CTNNA2: variants seen among roughly 807,000 people sequenced by gnomAD.
CTNNA2 encodes the protein catenin alpha-2.
Under a neutral mutation model 101.0 loss-of-function variants are expected in CTNNA2, and 42 were observed. That is an observed-to-expected ratio of 0.42 (90% confidence interval 0.32 to 0.54). The LOEUF (loss-of-function observed/expected upper bound fraction) is 0.54, where lower values mean the gene tolerates loss of function less well. Among genes scored for constraint, CTNNA2 ranks in the 20% least tolerant of loss-of-function variants. CTNNA2 has a pLI of 0.14. For synonymous variants in CTNNA2, 450 were observed against 456.4 expected (o/e 0.99, Z 0.18); for missense variants, 871 against 1,223.1 (o/e 0.71, Z 4.29).
intron 2 of CTNNA2, among the ~76,000 whole-genome samples, chr2:79,658,047 C>G (rs62140116): frequency 1.3e-5 from 2 of 151,630 alleles, no homozygotes; most frequent in African/African-American, 4.8e-5. Flanking sequence ...AATTTTGTAT[C>G]TATTCAAAGG....
At chr2:80,111,878 G>A (rs1278842108) in intron 7 of CTNNA2, among the ~76,000 whole-genome samples, 1 of 152,098 alleles carries the variant, frequency 6.6e-6, no homozygotes, top group African/African-American at 2.4e-5. Flanking sequence ...AGTGGCAAAT[G>A]CTTATCACTA....
rs201956999 is a variant in CTNNA2 at position 80,081,100 on chromosome 2, T to TAA, written c.1056+171315_1056+171316dup. ...GTACATTAATATTTTAAATGTTGGT[T>TAA]AAAAAAAAAAAAAGCGTGGTCGGGT... On this transcript the variant is annotated intron_variant, in intron 7 of 18. Coordinates refer to ENST00000402739, the MANE Select transcript of CTNNA2 (RefSeq NM_001282597.3). Among the ~76,000 whole-genome samples the TAA allele has an allele frequency of 2.5e-3, 351 of 142,438 alleles. 4 individuals are homozygous for TAA. Among genetic ancestry groups the TAA allele is most frequent in the African/African-American group, 8.4e-3 (329 of 39,400 alleles). The allele number at this position is 142,438 out of a possible 152,430, so 93.4% of individuals were successfully genotyped here. A position where few individuals can be genotyped will look rare whatever the true frequency, so the allele number is the denominator to read the frequency against.
At chr2:80,181,097 A>G (rs1705749133) in intron 7 of CTNNA2, among the ~76,000 whole-genome samples, 1 of 152,112 alleles carries the variant, frequency 6.6e-6, no homozygotes, top group South Asian at 2.1e-4. Flanking sequence ...GCACTTCCTC[A>G]TGGGTTACAC....
At chr2:79,997,051 T>C (rs1471108462) in intron 7 of CTNNA2, among the ~76,000 whole-genome samples, 1 of 152,102 alleles carries the variant, frequency 6.6e-6, no homozygotes, top group African/African-American at 2.4e-5. Flanking sequence ...TTTTACCCCC[T>C]CTCTTCTTCA....
chr2:80,101,179 C>T (rs1700518723), intron 7 of CTNNA2, among the ~76,000 whole-genome samples: 1 of 152,102 alleles, frequency 6.6e-6, no homozygotes, highest in African/African-American at 2.4e-5. Flanking sequence ...GTTTCCCTAC[C>T]CTTAGCATAT....
At chr2:79,874,631 AC>A (rs1244876968) in intron 6 of CTNNA2, among the ~76,000 whole-genome samples, 1 of 151,872 alleles carries the variant, frequency 6.6e-6, no homozygotes, top group African/African-American at 2.4e-5. Flanking sequence ...ACATGGAGAA[AC>A]CCCGTCTCTA....
At chr2:80,572,296 T>A (rs1246170675) in intron 12 of CTNNA2, among the ~76,000 whole-genome samples, 1 of 152,258 alleles carries the variant, frequency 6.6e-6, no homozygotes, top group Non-Finnish European at 1.5e-5. Flanking sequence ...TGCTTTTCTG[T>A]GAACTGAGTG....
At chr2:79,391,146 A>C (rs1678167629) in intron 4 of CTNNA2, among the ~76,000 whole-genome samples, 1 of 152,112 alleles carries the variant, frequency 6.6e-6, no homozygotes, top group Admixed American at 6.6e-5. Context: ...TCACTTCTGC[A>C]AGCATTTTTG....
Position 79,432,730 on chromosome 2 carries a change from T to G in CTNNA2, c.-135+58717T>G, listed in dbSNP as rs75056519. Among the ~76,000 whole-genome samples the G allele has an allele frequency of 2.8e-3, 421 of 152,324 alleles. 2 individuals are homozygous for G. The highest frequency in any genetic ancestry group is 4.7e-3 in the Non-Finnish European group (323 of 68,030). On this transcript the variant is annotated intron_variant, in intron 4 of 21. Transcript: ENST00000466387. ...TGAGTTTATTTCCACTTTGGAAGGC[T>G]GTGGTATTGCCAGGAAGGCATCAAA... is the stretch of plus-strand genomic sequence containing the variant.
At chr2:79,486,319 G>A (rs1042656821) in intron 4 of CTNNA2, among the ~76,000 whole-genome samples, 1 of 150,042 alleles carries the variant, frequency 6.7e-6, no homozygotes, top group Non-Finnish European at 1.5e-5. Flanking sequence ...GTGAGAACAT[G>A]CGGTGTTTGG....
At chr2:79,604,224 AAAGTTGAAAGATTGT>A (rs1442731737) in intron 1 of CTNNA2, among the ~76,000 whole-genome samples, 1 of 152,212 alleles carries the variant, frequency 6.6e-6, no homozygotes, top group Non-Finnish European at 1.5e-5. Context: ...GCACCATCTT[AAAGTTGAAAGATTGT>A]AAGTTGAAAG....
intron 2 of CTNNA2, among the ~76,000 whole-genome samples, chr2:79,235,003 T>A (rs1674538557): frequency 6.6e-6 from 1 of 152,192 alleles, no homozygotes; most frequent in African/African-American, 2.4e-5. Context: ...ACCATCCAGA[T>A]TCTAAATTCT....
chr2:79,812,354 A>G lies in CTNNA2; in HGVS notation c.299-45659A>G, dbSNP rs140042297. ...GCATTCAGTCTTTTGTCTTTAAGTA[A>G]GATGTTAGCTGTAGTTTTAACTGAG... On this transcript the variant is annotated intron_variant, in intron 3 of 18. Coordinates refer to ENST00000402739, the MANE Select transcript of CTNNA2 (RefSeq NM_001282597.3). 1.0e-3 allele frequency among the ~76,000 whole-genome samples: 157 copies of G among 152,260 alleles called. 1 individual carries two copies. The Middle Eastern group carries it at 0.017, about 16-fold the overall frequency.
intron 1 of CTNNA2, among the ~76,000 whole-genome samples, chr2:79,620,351 T>G (rs1416936342): frequency 1.3e-5 from 2 of 152,208 alleles, no homozygotes; most frequent in African/African-American, 2.4e-5. Flanking sequence ...CTTTGCTCTC[T>G]GGAACCTCCT....
chr2:80,043,196 TTC>T (rs1222164754), intron 7 of CTNNA2, among the ~76,000 whole-genome samples: 9 of 105,736 alleles, frequency 8.5e-5, no homozygotes, highest in East Asian at 3.5e-4. Context: ...CTTTCTTTCT[TTC>T]TCTCTCTCTT....
At chr2:79,654,118 T>G (rs1681445997) in intron 2 of CTNNA2, among the ~76,000 whole-genome samples, 1 of 152,196 alleles carries the variant, frequency 6.6e-6, no homozygotes, top group South Asian at 2.1e-4. Flanking sequence ...ATCTTTATTT[T>G]TAATAACAGT....
chr2:80,493,365 C>G (rs1687207671), intron 9 of CTNNA2, among the ~76,000 whole-genome samples: 1 of 152,136 alleles, frequency 6.6e-6, no homozygotes, highest in Non-Finnish European at 1.5e-5. Flanking sequence ...TCTGGGAACC[C>G]TCTCTAAATA....
intron 7 of CTNNA2, among the ~76,000 whole-genome samples, chr2:79,988,830 G>A (rs1691957816): frequency 1.3e-5 from 2 of 152,162 alleles, no homozygotes; most frequent in African/African-American, 4.8e-5. Flanking sequence ...ATCAAATGTT[G>A]CATATCTGAG....
At chr2:79,321,313 C>T (rs1010499515) in intron 3 of CTNNA2, among the ~76,000 whole-genome samples, 4 of 152,056 alleles carry the variant, frequency 2.6e-5, no homozygotes, top group Non-Finnish European at 5.9e-5. Flanking sequence ...TCACCTCTTA[C>T]GTAGGGCATT....
Sources: gnomAD v4.1 joint callset for allele counts (sites outside exome capture counted in the v4.1 genomes callset) on GRCh38, gnomAD v4.1.1 for gene constraint, MANE v1.5 for transcripts, NCBI Gene and HGNC (gene_info 2026-07-23, HGNC 2026-07-21) for gene names.